CPB1: variants seen among roughly 807,000 people sequenced by gnomAD.
The protein encoded by CPB1 is carboxypeptidase B.
In CPB1, 53 loss-of-function variants were observed where a neutral mutation model predicts 51.4. The observed-to-expected ratio is 1.03, with a 90% CI of 0.83 to 1.30. The LOEUF is 1.30. CPB1 is among the 50% of genes most tolerant of loss of function. CPB1 has a pLI of 0.00. For synonymous variants in CPB1, 189 were observed against 186.9 expected, an observed-to-expected ratio of 1.01 and a Z score of -0.09; for missense variants, 494 against 516.2, an observed-to-expected ratio of 0.96 and a Z score of 0.42.
chr3:148,832,284 T>G (rs1268419019), intron 2 of CPB1, among the ~76,000 whole-genome samples: 1 of 152,146 alleles, frequency 6.6e-6, no homozygotes, highest in Non-Finnish European at 1.5e-5. Context: ...ATGACAATTT[T>G]CAGTTTAATA....
In CPB1 at chr3:148,860,161, T is replaced by C; in HGVS notation, c.*159T>C. The C allele has an allele frequency of 1.5e-6, 1 of 654,844 alleles. No homozygotes were observed. The highest frequency in any genetic ancestry group is 2.1e-5 in the South Asian group (1 of 47,038). 40.6% of individuals were successfully genotyped at this position (654,844 alleles called of 1,614,324 possible). A position where few individuals can be genotyped will look rare whatever the true frequency, so the allele number is the denominator to read the frequency against. The stretch of plus-strand genomic sequence containing the variant: ...GTAGATCTTTTCGTATTGATCATAA[T>C]AAAAGTGAATCATTACTATTGGAAA... On this transcript the variant is annotated 3_prime_UTR_variant, in exon 11 of 11. Coordinates refer to ENST00000282957, the MANE Select transcript of CPB1 (RefSeq NM_001871.3).
chr3:148,833,642 A>C (rs1397415595), intron 2 of CPB1, among the ~76,000 whole-genome samples: 1 of 152,168 alleles, frequency 6.6e-6, no homozygotes, highest in Non-Finnish European at 1.5e-5. Context: ...CACTCGGCAC[A>C]AGCAAGGAAG....
At chr3:148,842,062 T>A (rs2092097587) in intron 6 of CPB1, 138 bp downstream of exon 6, 1 of 652,618 alleles carries the variant, frequency 1.5e-6, no homozygotes. Flanking sequence ...TAGTTTCAAC[T>A]TCCACCAACA....
chr3:148,835,019 T>C (rs79592183), intron 3 of CPB1, among the ~76,000 whole-genome samples: 2,327 of 152,250 alleles, frequency 0.015, 50 homozygotes, highest in African/African-American at 0.053. Context: ...TGAGGGCTAT[T>C]TGTGCTTTTT....
At chr3:148,828,719 A>G (rs1372937121) in intron 2 of CPB1, among the ~76,000 whole-genome samples, 1 of 152,252 alleles carries the variant, frequency 6.6e-6, no homozygotes, top group African/African-American at 2.4e-5. Flanking sequence ...GACCACAAAT[A>G]CAGTAGTTCC....
intron 9 of CPB1, chr3:148,857,062 G>GTTTTTTTT (rs35574359): frequency 1.2e-3 from 56 of 48,092 alleles, no homozygotes; most frequent in African/African-American, 4.8e-3. Flanking sequence ...ATTGCCAAGT[G>GTTTTTTTT]TTTTTTTTTT....
In CPB1 at chr3:148,841,939, T is replaced by C. The variant is rs73866670; in HGVS notation, c.576+15T>C. 4.0e-4 allele frequency: 625 copies of C among 1,568,042 alleles called. 1 individual carries two copies. In the African/African-American group the frequency reaches 5.9e-3, roughly 15 times the overall value. On this transcript the variant is annotated intron_variant, in intron 6 of 10. Coordinates refer to ENST00000282957, the MANE Select transcript of CPB1 (RefSeq NM_001871.3). ...TTGTAAGAGAGGTCAGTGTGTAGAG[T>C]GGTTTTTGGCAAAGAGAAATGTATG...
chr3:148,860,060 G>C lies in CPB1; in HGVS notation c.*58G>C. ...TCATTTTTCATTTCTTTTCTTTCTT[G>C]AATTCTTATTTTGGTTTGCCTGGAT... is the stretch of plus-strand genomic sequence containing the variant. On this transcript the variant is annotated 3_prime_UTR_variant, in exon 11 of 11. Coordinates refer to ENST00000282957, the MANE Select transcript of CPB1 (RefSeq NM_001871.3). 1 of 1,541,220 alleles carries C rather than the reference G, an allele frequency of 6.5e-7. No individual in the cohort carries two copies. Among genetic ancestry groups the C allele is most frequent in the Admixed American group, 1.9e-5 (1 of 53,596 alleles).
intron 8 of CPB1, 144 bp downstream of exon 8, chr3:148,844,911 C>A (rs1486659509): frequency 6.5e-5 from 46 of 703,062 alleles, no homozygotes; most frequent in African/African-American, 2.4e-4. Flanking sequence ...AAAAAAAAAA[C>A]CAGTTTAATT....
intron 9 of CPB1, among the ~76,000 whole-genome samples, chr3:148,846,065 G>A (rs1162396408): frequency 6.6e-6 from 1 of 151,948 alleles, no homozygotes; most frequent in African/African-American, 2.4e-5. Flanking sequence ...GTCACATTTG[G>A]GTGATATCAA....
chr3:148,848,822 CAAT>C (rs768125258), intron 9 of CPB1, among the ~76,000 whole-genome samples: 10 of 152,276 alleles, frequency 6.6e-5, no homozygotes, highest in Admixed American at 2.0e-4. Context: ...GAGAAGACTA[CAAT>C]GTTTCTCTAA....
intron 3 of CPB1, among the ~76,000 whole-genome samples, chr3:148,836,614 T>C (rs908013618): frequency 6.6e-6 from 1 of 152,362 alleles, no homozygotes; most frequent in African/African-American, 2.4e-5. Context: ...GAATTGTGTA[T>C]GAATGTTGTC....
chr3:148,841,642 T>C (rs781308693), intron 5 of CPB1, among the ~76,000 whole-genome samples, 181 bp from the exon 6 acceptor site: 13 of 152,186 alleles, frequency 8.5e-5, no homozygotes, highest in Non-Finnish European at 1.6e-4. Context: ...AGCTCAAACA[T>C]TGTGAGTCTA....
chr3:148,847,520 C>T (rs114436217), intron 9 of CPB1, among the ~76,000 whole-genome samples: 89 of 152,072 alleles, frequency 5.9e-4, no homozygotes, highest in African/African-American at 2.1e-3. Context: ...ACATGTGTGC[C>T]AAATGGTGTA....
chr3:148,859,066 T>A (rs1713676817), intron 10 of CPB1, among the ~76,000 whole-genome samples: 2 of 152,186 alleles, frequency 1.3e-5, no homozygotes. Flanking sequence ...AGCCCACCTA[T>A]TTATATATGG....
At chr3:148,834,399 T>C in intron 2 of CPB1, 99 bp from the exon 3 acceptor site, 1 of 1,168,342 alleles carries the variant, frequency 8.6e-7, no homozygotes, top group Non-Finnish European at 1.3e-6. Context: ...GATGATTTGA[T>C]TTTGAAAATA....
At chr3:148,841,734 TGA>T (rs1394028834) in intron 5 of CPB1, 87 bp from the exon 6 acceptor site, 1 of 924,794 alleles carries the variant, frequency 1.1e-6, no homozygotes, top group Non-Finnish European at 1.7e-6. Flanking sequence ...TTTCACTTGT[TGA>T]GTCTCAAGCC....
In CPB1 at chr3:148,828,158, A is replaced by G. The variant is rs901739950; in HGVS notation, c.147+81A>G. ...TGATTCCGACAATGGAAAAAAAAAC[A>G]TGAAATATTAACTATAGCATTTTGG... On this transcript the variant is annotated intron_variant, in intron 2 of 10. Transcript: ENST00000282957. 9.2e-6 allele frequency: 10 copies of G among 1,089,822 alleles called. No individual in the cohort carries two copies. The African/African-American group carries it at 1.4e-4, about 16-fold the overall frequency. The allele number at this position is 1,089,822 out of a possible 1,614,324, so 67.5% of individuals were successfully genotyped here.
rs185756835 is a variant in CPB1, at chr3:148,832,046, G to C, written c.148-2452G>C. The stretch of plus-strand genomic sequence containing the variant: ...CACTCCAGAGTGTTGTATGTATGTT[G>C]ATAGGTTTGCTAACTGGTTTTCTCC... On this transcript the variant is annotated intron_variant, in intron 2 of 10. Coordinates refer to ENST00000282957, the MANE Select transcript of CPB1 (RefSeq NM_001871.3). 4.4e-3 allele frequency among the ~76,000 whole-genome samples: 676 copies of C among 152,178 alleles called. 1 individual carries two copies. Among genetic ancestry groups the C allele is most frequent in the Non-Finnish European group, 7.1e-3 (485 of 68,000 alleles).
Sources: gnomAD v4.1 joint callset for allele counts (sites outside exome capture counted in the v4.1 genomes callset) on GRCh38, gnomAD v4.1.1 for gene constraint, MANE v1.5 for transcripts, NCBI Gene and HGNC (gene_info 2026-07-23, HGNC 2026-07-21) for gene names.